Variants in POR observed in about 807,000 individuals in gnomAD.
POR encodes the protein cytochrome p450 oxidoreductase.
Under a neutral mutation model 84.0 loss-of-function variants are expected in POR, and 56 were observed. That is an observed-to-expected ratio of 0.67 (90% CI 0.54 to 0.83). The LOEUF is 0.83. Ranked by LOEUF, POR falls within the 40% of genes least tolerant of loss-of-function variation. The probability of loss-of-function intolerance (pLI) is 0.00; values close to 1 mark genes in which losing one functional copy is unlikely to be tolerated. For synonymous variants in POR, 414 were observed against 400.5 expected (o/e 1.03, Z -0.40); for missense variants, 938 against 944.3 (o/e 0.99, Z 0.09).
In POR at chr7:75,978,865, C is replaced by T. The variant is rs373510318; in HGVS notation, c.238-586C>T. Among the ~76,000 whole-genome samples the T allele has an allele frequency of 8.5e-5, 13 of 152,208 alleles. No individual in the cohort carries two copies. The East Asian group carries it at 9.7e-4, about 11-fold the overall frequency. On this transcript the variant is annotated intron_variant, in intron 3 of 15. Coordinates refer to ENST00000461988, the MANE Select transcript of POR (RefSeq NM_000941.3). ...AGGCTGGAGTGCAGTGGCGTGTTCT[C>T]AGTTCACTGCAACCTCCACCTCCTG...
At chr7:75,926,478 T>C (rs782733915) in intron 1 of POR, among the ~76,000 whole-genome samples, 3 of 152,096 alleles carry the variant, frequency 2.0e-5, no homozygotes, top group Non-Finnish European at 2.9e-5. Flanking sequence ...GGAGATTCTG[T>C]TCATTTAGTC....
Position 75,948,027 on chromosome 7 carries a change from C to A in POR, c.-4-5962C>A, listed in dbSNP as rs782748403. Among the ~76,000 whole-genome samples the A allele has an allele frequency of 7.9e-5, 12 of 152,320 alleles. No individual in the cohort carries two copies. The South Asian group carries it at 8.3e-4, about 11-fold the overall frequency. ...CTTGAGAGGCCTTCCTTTCGCACCG[C>A]ATGCCAGACACAGAGGTGCCTGAGA... is the stretch of plus-strand genomic sequence containing the variant. On this transcript the variant is annotated intron_variant, in intron 1 of 15. Coordinates refer to ENST00000461988, the MANE Select transcript of POR (RefSeq NM_000941.3).
intron 2 of POR, among the ~76,000 whole-genome samples, chr7:75,958,817 G>C (rs529683988): frequency 1.3e-5 from 2 of 148,970 alleles, no homozygotes; most frequent in South Asian, 4.3e-4. Flanking sequence ...CCACCCCCCC[G>C]CCATCTCTAC....
rs1325736424 is a variant in POR, at chr7:75,932,924, AG to A, written c.-5+17747del. Among the ~76,000 whole-genome samples, 13 of 152,048 alleles carry A rather than the reference AG, an allele frequency of 8.5e-5. No homozygotes were observed. The East Asian group carries it at 2.3e-3, about 27-fold the overall frequency. ...TCCCAGCTACTCCAGAGGCCGAGGC[AG>A]GAAAATCCCTTGAACTCGGGAGGTG... On this transcript the variant is annotated intron_variant, in intron 1 of 15. Coordinates refer to ENST00000461988, the MANE Select transcript of POR (RefSeq NM_000941.3).
chr7:75,979,087 AC>A (rs1788850043), intron 3 of POR, among the ~76,000 whole-genome samples: 2 of 152,312 alleles, frequency 1.3e-5, no homozygotes, highest in South Asian at 4.1e-4. Flanking sequence ...GTGAGCCACC[AC>A]GCCCGGCTGC....
intron 1 of POR, among the ~76,000 whole-genome samples, chr7:75,937,105 G>A (rs1173817205): frequency 2.0e-5 from 3 of 151,484 alleles, no homozygotes; most frequent in African/African-American, 7.3e-5. Context: ...GGGATTACAG[G>A]CGTGAGCCAC....
At chr7:75,972,667 G>C in intron 3 of POR, 1 of 646,274 alleles carries the variant, frequency 1.5e-6, no homozygotes, top group African/African-American at 1.8e-5. Flanking sequence ...TTGTTTCCTT[G>C]AATCTTTACT....
intron 2 of POR, among the ~76,000 whole-genome samples, chr7:75,958,186 G>A (rs1473952986): frequency 6.6e-6 from 1 of 152,090 alleles, no homozygotes; most frequent in African/African-American, 2.4e-5. Flanking sequence ...GCACGATCTC[G>A]GCTCACTGCA....
chr7:75,965,801 G>A (rs1250784386), intron 2 of POR, among the ~76,000 whole-genome samples: 1 of 152,184 alleles, frequency 6.6e-6, no homozygotes, highest in Non-Finnish European at 1.5e-5. Context: ...AACACGTGCT[G>A]GAGGACATGG....
At chr7:75,929,528 A>G (rs1807308618) in intron 1 of POR, among the ~76,000 whole-genome samples, 1 of 152,180 alleles carries the variant, frequency 6.6e-6, no homozygotes, top group African/African-American at 2.4e-5. Flanking sequence ...TGCTGGGATA[A>G]CAGGTGTGAG....
chr7:75,936,823 ATTTT>A (rs71519400), intron 1 of POR, among the ~76,000 whole-genome samples: 2 of 123,568 alleles, frequency 1.6e-5, no homozygotes, highest in Non-Finnish European at 1.6e-5. Context: ...ATTATTATTA[ATTTT>A]TTTTTTTTTT....
At chr7:75,947,003 C>T (rs1366641556) in intron 1 of POR, 1 of 152,204 alleles carries the variant, frequency 6.6e-6, no homozygotes, top group African/African-American at 2.4e-5. Context: ...GGCGGACGCT[C>T]AAGTCTGTTG....
chr7:75,937,127 G>A lies in POR; in HGVS notation c.-4-16862G>A, dbSNP rs536359764. Among the ~76,000 whole-genome samples, 132 of 151,324 alleles carry A rather than the reference G, an allele frequency of 8.7e-4. 1 individual carries two copies. Among genetic ancestry groups the A allele is most frequent in the African/African-American group, 3.1e-3 (127 of 41,372 alleles). On this transcript the variant is annotated intron_variant, in intron 1 of 15. Transcript: ENST00000461988. ...CAGGCGTGAGCCACCGCATCCGGCC[G>A]CTGTTTCTGTTTTCTATATTTTTAT...
chr7:75,958,227 C>G (rs903758652), intron 2 of POR, among the ~76,000 whole-genome samples: 1 of 152,154 alleles, frequency 6.6e-6, no homozygotes, highest in Admixed American at 6.6e-5. Context: ...AGAGATCCTC[C>G]CACTTTGGCC....
chr7:75,972,080 G>C (rs1449629304), intron 2 of POR, among the ~76,000 whole-genome samples: 2 of 152,124 alleles, frequency 1.3e-5, no homozygotes, highest in African/African-American at 4.8e-5. Context: ...GAGGGAAGTG[G>C]AAACCTTGGC....
chr7:75,965,062 C>T (rs957396644), intron 2 of POR, among the ~76,000 whole-genome samples: 9 of 152,058 alleles, frequency 5.9e-5, no homozygotes, highest in Admixed American at 3.3e-4. Flanking sequence ...ATGTGGATGA[C>T]GCTAACAGGG....
intron 3 of POR, chr7:75,972,733 C>G: frequency 1.9e-6 from 1 of 530,470 alleles, no homozygotes; most frequent in Non-Finnish European, 3.4e-6. Flanking sequence ...CGAAGCTTCT[C>G]CCGTCTGGCC....
chr7:75,957,068 A>AGAATCCTAGAAAAGATT (rs1315579055), intron 2 of POR, among the ~76,000 whole-genome samples: 1 of 152,130 alleles, frequency 6.6e-6, no homozygotes, highest in Non-Finnish European at 1.5e-5. Flanking sequence ...GCTTTAACCT[A>AGAATCCTAGAAAAGATT]CATTGTCTAA....
chr7:75,950,169 C>T (rs983995113), intron 1 of POR, among the ~76,000 whole-genome samples: 9 of 152,156 alleles, frequency 5.9e-5, no homozygotes, highest in Non-Finnish European at 5.9e-5. Flanking sequence ...CGTGCCCGGA[C>T]GATCTGACTT....
Sources: allele counts gnomAD v4.1 joint callset (sites outside exome capture counted in the v4.1 genomes callset), GRCh38; gene constraint gnomAD v4.1.1; transcripts MANE v1.5; gene names NCBI Gene and HGNC (gene_info 2026-07-23, HGNC 2026-07-21).